ZIC4: variants seen among roughly 807,000 people sequenced by gnomAD.
ZIC4 encodes the protein Zic family zinc finger 4.
ZIC4 carries 15 observed loss-of-function variants against 28.8 expected under a neutral mutation model. The observed-to-expected ratio is 0.52, with a 90% CI of 0.35 to 0.80. The LOEUF is 0.80. Among genes scored for constraint, ZIC4 ranks in the 30% least tolerant of loss-of-function variants. The probability of loss-of-function intolerance (pLI) is 0.01; values close to 1 mark genes in which losing one functional copy is unlikely to be tolerated. For synonymous variants in ZIC4, 220 were observed against 198.1 expected (o/e 1.11, Z -0.93); for missense variants, 512 against 467.1 (o/e 1.10, Z -0.89).
At chr3:147,406,014 C>A in intron 1 of ZIC4, 1 of 162,286 alleles carries the variant, frequency 6.2e-6, no homozygotes, top group Non-Finnish European at 1.4e-5. Context: ...CCAGGCAATT[C>A]ACAAGGAGAG....
At chr3:147,394,186 G>A (rs548817694) in intron 3 of ZIC4, among the ~76,000 whole-genome samples, 4 of 151,718 alleles carry the variant, frequency 2.6e-5, no homozygotes, top group African/African-American at 9.7e-5. Flanking sequence ...GGATTTGAGG[G>A]AAATGCCCGA....
intron 2 of ZIC4, among the ~76,000 whole-genome samples, chr3:147,397,432 A>G (rs1201642911): frequency 6.9e-6 from 1 of 144,566 alleles, no homozygotes. Flanking sequence ...CCCCCACAGC[A>G]TCTCAAGCTT....
chr3:147,396,496 G>A lies in ZIC4; in HGVS notation c.71-27C>T, dbSNP rs757579298. ...TGTTGTCGAAACAAATAGCGCGCATGAGAACGGGTGGCGTGGGCTGCGCGC... is the reference window on the plus strand; with the variant it reads ...TGTTGTCGAAACAAATAGCGCGCATAAGAACGGGTGGCGTGGGCTGCGCGC... On this transcript the variant is annotated intron_variant, in intron 2 of 4. Coordinates refer to ENST00000383075, the MANE Select transcript of ZIC4 (RefSeq NM_032153.6). The surrounding 1 kb of genome is among the most constrained non-coding windows in gnomAD (Gnocchi z 4.2). 6.7e-7 allele frequency: 1 copy of A among 1,499,932 alleles called. No individual in the cohort carries two copies. The highest frequency in any genetic ancestry group is 1.4e-5 in the South Asian group (1 of 73,744). The allele number at this position is 1,499,932 out of a possible 1,614,324, so 92.9% of individuals were successfully genotyped here.
Position 147,386,186 on chromosome 3 carries a change from C to G in ZIC4, c.*2673G>C, listed in dbSNP as rs971041194. 6.6e-6 allele frequency: 1 copy of G among 152,234 alleles called. No individual in the cohort carries two copies. Among genetic ancestry groups the G allele is most frequent in the Non-Finnish European group, 1.5e-5 (1 of 68,048 alleles). 9.4% of individuals were successfully genotyped at this position (152,234 alleles called of 1,614,324 possible). A position where few individuals can be genotyped will look rare whatever the true frequency, so the allele number is the denominator to read the frequency against. ...ACATTTATATATTTACAAGATCAAG[C>G]CATGGCTTTCAACTTTGTTGTTCAT... On this transcript the variant is annotated 3_prime_UTR_variant, in exon 5 of 5. Coordinates refer to ENST00000383075, the MANE Select transcript of ZIC4 (RefSeq NM_032153.6).
At position 147,396,612 on chromosome 3, in the gene ZIC4, G is replaced by GTTCA; in HGVS notation, c.71-144_71-143insTGAA. The GTTCA allele has an allele frequency of 9.0e-7, 1 of 1,110,814 alleles. No individual in the cohort carries two copies. Among genetic ancestry groups the GTTCA allele is most frequent in the Non-Finnish European group, 1.2e-6 (1 of 825,102 alleles). 68.8% of individuals were successfully genotyped at this position (1,110,814 alleles called of 1,614,324 possible). A position where few individuals can be genotyped will look rare whatever the true frequency, so the allele number is the denominator to read the frequency against. On this transcript the variant is annotated intron_variant, in intron 2 of 4. Coordinates refer to ENST00000383075, the MANE Select transcript of ZIC4 (RefSeq NM_032153.6). The surrounding 1 kb of genome is among the most constrained non-coding windows in gnomAD (Gnocchi z 4.2). Reference sequence around the variant, plus strand: ...AACTCAGAGCCAGACAGCGCCAGCAGTGAACCCGGTGGACAGAGCAAGGCC... The same window carrying GTTCA: ...AACTCAGAGCCAGACAGCGCCAGCAGTTCATGAACCCGGTGGACAGAGCAAGGCC...
At position 147,395,880 on chromosome 3, in the gene ZIC4, A is replaced by G. The variant is rs763528621; in HGVS notation, c.660T>C (p.Asn220=). 25 of 1,613,582 alleles carry G rather than the reference A, an allele frequency of 1.5e-5. 1 individual carries two copies. In the South Asian group the frequency reaches 2.2e-4, roughly 14 times the overall value. Residue 220 remains asparagine (N), a synonymous_variant, in exon 3 of 5, where the codon AAT becomes AAC. Transcript: ENST00000383075. The part of the protein sequence containing the change: ...GCGKVFARSE[N]LKIHKRTHTG... ...TGTGAGTTCGTTTGTGTATTTTGAG[A>G]TTTTCTGATCTAGCAAAGACCTTCC...
intron 3 of ZIC4, 35 bp downstream of exon 3, chr3:147,395,816 AG>A (rs1559962032): frequency 6.3e-7 from 1 of 1,579,650 alleles, no homozygotes; most frequent in Non-Finnish European, 8.6e-7. Flanking sequence ...GCTTCCCCAG[AG>A]GGTCCGCACG....
At chr3:147,404,932 C>G (rs1206582267) in intron 1 of ZIC4, among the ~76,000 whole-genome samples, 2 of 152,206 alleles carry the variant, frequency 1.3e-5, no homozygotes, top group African/African-American at 2.4e-5. Context: ...CCCACCTCTC[C>G]GCTGCAACTT....
chr3:147,391,415 G>A (rs2086915384), intron 3 of ZIC4, 169 bp from the exon 4 acceptor site: 7 of 841,710 alleles, frequency 8.3e-6, no homozygotes, highest in African/African-American at 3.5e-5. Context: ...CGTGCAGAGA[G>A]CGCCCCCGGT....
chr3:147,405,210 CAGAAT>C (rs2087249022), intron 1 of ZIC4, among the ~76,000 whole-genome samples: 1 of 152,194 alleles, frequency 6.6e-6, no homozygotes, highest in Admixed American at 6.5e-5. Context: ...TCCGGGTGCC[CAGAAT>C]AGAGTTTGTA....
At position 147,396,296 on chromosome 3, in the gene ZIC4, G is replaced by A. The variant is rs370807321; in HGVS notation, c.244C>T (p.Pro82Ser). The A allele has an allele frequency of 2.5e-6, 4 of 1,605,590 alleles. No homozygotes were observed. The East Asian group carries it at 6.7e-5, about 27-fold the overall frequency. The part of the protein sequence containing the change: ...YARPEPFPPG[P>S]AARSDALAAA... ...GCCAGGGCGTCGCTGCGGGCCGCAG[G>A]CCCTGGCGGGAAGGGCTCCGGCCGC... is the stretch of plus-strand genomic sequence containing the variant. Residue 82 changes from proline to serine, a missense_variant, in exon 3 of 5, where the codon CCT becomes TCT. Physicochemically the swap from Pro to Ser is moderately conservative, Grantham distance 74 (BLOSUM62 -1). Around this residue, in one of 3 missense-constraint regions of ZIC4, gnomAD observed 310 missense variants for 256.5 expected, o/e 1.21. Transcript: ENST00000383075. The surrounding 1 kb of genome is among the most constrained non-coding windows in gnomAD (Gnocchi z 4.2).
At chr3:147,404,548 C>T (rs192337044) in intron 1 of ZIC4, among the ~76,000 whole-genome samples, 31 of 152,334 alleles carry the variant, frequency 2.0e-4, no homozygotes, top group African/African-American at 7.0e-4. Context: ...AGGTCCCAAA[C>T]AACCACGGAA....
chr3:147,395,637 G>C (rs970651277), intron 3 of ZIC4, among the ~76,000 whole-genome samples: 1 of 152,100 alleles, frequency 6.6e-6, no homozygotes, highest in Non-Finnish European at 1.5e-5. Flanking sequence ...GTCCCCCCCA[G>C]AACAGAAATC....
chr3:147,394,206 A>C (rs1324977557), intron 3 of ZIC4, among the ~76,000 whole-genome samples: 1 of 150,396 alleles, frequency 6.6e-6, no homozygotes, highest in Non-Finnish European at 1.5e-5. Flanking sequence ...AGCAGGCCAG[A>C]CTCTGTAGTT....
At chr3:147,405,642 C>A in intron 1 of ZIC4, 3 of 726,886 alleles carry the variant, frequency 4.1e-6, no homozygotes, top group South Asian at 3.3e-5. Flanking sequence ...TGCTCTTGTT[C>A]GCATTGGAGA....
rs781094391 is a variant in ZIC4 at position 147,396,670 on chromosome 3, G to C, written c.71-201C>G. The stretch of plus-strand genomic sequence containing the variant: ...TCCGCCGCCATTGGGCCGAATTGCT[G>C]TTGGGCCAAGTCCCCCGCCGCGCCA... On this transcript the variant is annotated intron_variant, in intron 2 of 4. Coordinates refer to ENST00000383075, the MANE Select transcript of ZIC4 (RefSeq NM_032153.6). This position sits in a 1 kb window ranked among gnomAD's most constrained non-coding sequence, Gnocchi z 4.2. The C allele has an allele frequency of 2.0e-4, 115 of 569,532 alleles. No homozygotes were observed. The highest frequency in any genetic ancestry group is 4.8e-4 in the Middle Eastern group (1 of 2,076). The allele number at this position is 569,532 out of a possible 1,614,324, so 35.3% of individuals were successfully genotyped here. A position where few individuals can be genotyped will look rare whatever the true frequency, so the allele number is the denominator to read the frequency against.
intron 3 of ZIC4, 70 bp downstream of exon 3, chr3:147,395,782 G>C: frequency 1.3e-6 from 2 of 1,547,150 alleles, no homozygotes; most frequent in Non-Finnish European, 1.7e-6. Context: ...GTTGGGACTT[G>C]AGGAAATCCA....
rs993550484 is a variant in ZIC4 at position 147,386,775 on chromosome 3, A to G, written c.*2084T>C. 2 of 152,244 alleles carry G rather than the reference A, an allele frequency of 1.3e-5. No individual in the cohort carries two copies. The highest frequency in any genetic ancestry group is 2.9e-5 in the Non-Finnish European group (2 of 68,054). 9.4% of individuals were successfully genotyped at this position (152,244 alleles called of 1,614,324 possible). On this transcript the variant is annotated 3_prime_UTR_variant, in exon 5 of 5. Transcript: ENST00000383075. ...TTGTAGACCAAACCTTCTAAACTTC[A>G]ATTGCCAAGATTCTGAAGGAAACAG...
At chr3:147,393,048 A>G (rs1450150272) in intron 3 of ZIC4, 1 of 151,862 alleles carries the variant, frequency 6.6e-6, no homozygotes, top group African/African-American at 2.4e-5. Context: ...CAAAAAACAT[A>G]CAATTCAGGG....
Sources: allele counts gnomAD v4.1 joint callset (sites outside exome capture counted in the v4.1 genomes callset), GRCh38; gene constraint gnomAD v4.1.1; regional missense constraint gnomAD v4.1.1; non-coding constraint Gnocchi (gnomAD v3.1); transcripts MANE v1.5; gene names NCBI Gene and HGNC (gene_info 2026-07-23, HGNC 2026-07-21).